Variants in PCDHA6 observed in about 807,000 individuals in gnomAD.
PCDHA6 encodes protocadherin alpha-6.
In PCDHA6, 55 loss-of-function variants were observed where a neutral mutation model predicts 60.3. The observed-to-expected ratio is 0.91, with a 90% CI of 0.73 to 1.14. The LOEUF is 1.14. Among genes scored for constraint, PCDHA6 ranks in the 50% most tolerant of loss-of-function variants. The probability of loss-of-function intolerance (pLI) is 0.00; values close to 1 mark genes in which losing one functional copy is unlikely to be tolerated. For missense variants in PCDHA6, 1,327 were observed against 1,256.5 expected (o/e 1.06, Z -0.85); for synonymous variants, 652 against 557.9 (o/e 1.17, Z -2.38).
At chr5:140,988,877 G>A (rs372950279) in intron 3 of PCDHA6, 8 of 152,310 alleles carry the variant, frequency 5.3e-5, no homozygotes, top group East Asian at 3.9e-4. Context: ...TCAGATGTAC[G>A]ATCCTGGATA....
chr5:140,864,333 AGT>A (rs1554158793), intron 1 of PCDHA6: 2 of 152,182 alleles, frequency 1.3e-5, no homozygotes, highest in African/African-American at 4.8e-5. Flanking sequence ...TAATTATTTG[AGT>A]TTAAAACATG....
chr5:140,836,633 C>T, intron 1 of PCDHA6: 1 of 1,613,432 alleles, frequency 6.2e-7, no homozygotes, highest in Non-Finnish European at 8.5e-7. Flanking sequence ...GCTGGTCATT[C>T]TCCCAGCAGA....
intron 1 of PCDHA6, chr5:140,928,771 A>C: frequency 6.2e-7 from 1 of 1,613,998 alleles, no homozygotes; most frequent in Non-Finnish European, 8.5e-7. Context: ...AGTTCTTCCC[A>C]CTGATGCAGT....
chr5:140,836,754 T>C lies in PCDHA6; in HGVS notation c.2394+6269T>C, dbSNP rs2150269259. 5 of 1,577,604 alleles carry C rather than the reference T, an allele frequency of 3.2e-6. 1 individual carries two copies. In the African/African-American group the frequency reaches 6.8e-5, roughly 22 times the overall value. On this transcript the variant is annotated intron_variant, in intron 1 of 3. Coordinates refer to ENST00000529310, the MANE Select transcript of PCDHA6 (RefSeq NM_018909.4). ...TACAGACAATGTGAGTCATAAATAA[T>C]CTTGTTTCCAACAATTTTAAAACAA...
At chr5:140,988,756 A>G (rs577332845) in intron 3 of PCDHA6, among the ~76,000 whole-genome samples, 170 of 152,318 alleles carry the variant, frequency 1.1e-3, no homozygotes, top group African/African-American at 4.0e-3. Flanking sequence ...TGGCCTGGGC[A>G]GAATACAGTC....
chr5:140,834,127 T>C (rs1554134048), intron 1 of PCDHA6: 1 of 448,364 alleles, frequency 2.2e-6, no homozygotes, highest in African/African-American at 2.0e-5. Flanking sequence ...ATAAAACTTT[T>C]CATCTGATTA....
In PCDHA6 at chr5:141,011,633, G is replaced by A. The variant is rs988824031; in HGVS notation, c.*1696G>A. ...TTATGGTCCAGCCAAGAGCCATCTC[G>A]TGCCAAGACTTCTGCTGGCAAGGGA... is the stretch of plus-strand genomic sequence containing the variant. On this transcript the variant is annotated 3_prime_UTR_variant, in exon 4 of 4. Transcript: ENST00000529310. The A allele has an allele frequency of 6.5e-6, 1 of 153,624 alleles. No homozygotes were observed. Among genetic ancestry groups the A allele is most frequent in the Non-Finnish European group, 1.5e-5 (1 of 68,022 alleles). The allele number at this position is 153,624 out of a possible 1,614,324, so 9.5% of individuals were successfully genotyped here. A position where few individuals can be genotyped will look rare whatever the true frequency, so the allele number is the denominator to read the frequency against.
At chr5:140,985,739 C>CTTTTTT (rs11372071) in intron 3 of PCDHA6, among the ~76,000 whole-genome samples, 3 of 117,922 alleles carry the variant, frequency 2.5e-5, no homozygotes, top group Non-Finnish European at 1.7e-5. Context: ...TGATGAATTC[C>CTTTTTT]TTTTTTTTTT....
intron 1 of PCDHA6, chr5:140,877,117 G>C: frequency 6.2e-7 from 1 of 1,613,720 alleles, no homozygotes; most frequent in Non-Finnish European, 8.5e-7. Flanking sequence ...GGGCAGCAAC[G>C]TGACGCTGCA....
At chr5:140,862,203 C>G (rs1481623018) in intron 1 of PCDHA6, 1 of 175,658 alleles carries the variant, frequency 5.7e-6, no homozygotes, top group Non-Finnish European at 1.2e-5. Context: ...AATGTTTGAT[C>G]ACTGCACAGA....
Position 140,828,805 on chromosome 5 carries a change from T to G in PCDHA6, c.714T>G (p.Asn238Lys). 6.2e-7 allele frequency: 1 copy of G among 1,614,212 alleles called. No individual in the cohort carries two copies. The highest frequency in any genetic ancestry group is 8.5e-7 in the Non-Finnish European group (1 of 1,180,046). Residue 238 changes from asparagine to lysine, a missense_variant, in exon 1 of 4, where the codon AAT becomes AAG. Coordinates refer to ENST00000529310, the MANE Select transcript of PCDHA6 (RefSeq NM_018909.4). ...TCACAGTGCTGGATGTGAATGATAATGCTCCCACTTTCGAACAGTCTGAAT... is the reference window on the plus strand; with the variant it reads ...TCACAGTGCTGGATGTGAATGATAAGGCTCCCACTTTCGAACAGTCTGAAT... The part of the protein sequence containing the change: ...LLVTVLDVND[N>K]APTFEQSEYE...
chr5:140,842,938 C>T (rs2150348159), intron 1 of PCDHA6: 14 of 1,594,434 alleles, frequency 8.8e-6, no homozygotes, highest in South Asian at 5.5e-5. Context: ...GCGCGCGCGA[C>T]GCGGGCGTGC....
chr5:140,875,173 A>G (rs567403390), intron 1 of PCDHA6: 75 of 394,970 alleles, frequency 1.9e-4, no homozygotes, highest in Non-Finnish European at 2.9e-4. Context: ...AAGTCGAAAC[A>G]TTAGAATTAA....
chr5:140,842,944 C>A (rs1165034372), intron 1 of PCDHA6: 1 of 1,594,432 alleles, frequency 6.3e-7, no homozygotes, highest in African/African-American at 1.3e-5. Flanking sequence ...GCGACGCGGG[C>A]GTGCCGCCTC....
rs1277390291 is a variant in PCDHA6 at position 140,926,661 on chromosome 5, A to T, written c.2395-52288A>T. 7.5e-6 allele frequency: 4 copies of T among 536,378 alleles called. No homozygotes were observed. In the African/African-American group the frequency reaches 7.9e-5, roughly 11 times the overall value. The allele number at this position is 536,378 out of a possible 1,614,324, so 33.2% of individuals were successfully genotyped here. A position where few individuals can be genotyped will look rare whatever the true frequency, so the allele number is the denominator to read the frequency against. On this transcript the variant is annotated intron_variant, in intron 1 of 3. Coordinates refer to ENST00000529310, the MANE Select transcript of PCDHA6 (RefSeq NM_018909.4). ...AACACCCGGCCGGCTCCGCTTTCCC[A>T]GACGGCTGCCCAGCCTCCAGCCTAG...
intron 1 of PCDHA6, chr5:140,849,157 A>T: frequency 8.3e-7 from 1 of 1,209,676 alleles, no homozygotes; most frequent in Non-Finnish European, 1.1e-6. Flanking sequence ...GGCAAACCCG[A>T]GCTGACTGGC....
rs1040454233 is a variant in PCDHA6 at position 140,868,818 on chromosome 5, T to C, written c.2394+38333T>C. On this transcript the variant is annotated intron_variant, in intron 1 of 3. Transcript: ENST00000529310. ...CATAAATAAGCACGTTGGAAATATT[T>C]GGGGGAAGAAACCCAAAACACGTGA... 30 of 385,940 alleles carry C rather than the reference T, an allele frequency of 7.8e-5. No individual in the cohort carries two copies. The East Asian group carries it at 1.3e-3, about 16-fold the overall frequency. 23.9% of individuals were successfully genotyped at this position (385,940 alleles called of 1,614,324 possible).
At chr5:140,945,628 A>G (rs898111170) in intron 1 of PCDHA6, among the ~76,000 whole-genome samples, 1 of 152,168 alleles carries the variant, frequency 6.6e-6, no homozygotes, top group Non-Finnish European at 1.5e-5. Flanking sequence ...TACTGGCATA[A>G]AAGACATGTA....
intron 1 of PCDHA6, among the ~76,000 whole-genome samples, chr5:140,934,505 G>C (rs155823): frequency 0.32 from 48,260 of 151,744 alleles, 8,006 homozygotes; most frequent in East Asian, 0.53. Flanking sequence ...ACACCCAAAG[G>C]GTCCATAGAC....
Sources: gnomAD v4.1 joint callset for allele counts (sites outside exome capture counted in the v4.1 genomes callset) on GRCh38, gnomAD v4.1.1 for gene constraint, MANE v1.5 for transcripts, NCBI Gene and HGNC (gene_info 2026-07-23, HGNC 2026-07-21) for gene names.